The following SDAD1 variants were observed in gnomAD, a reference collection of about 807,000 sequenced individuals.
The protein encoded by SDAD1 is protein SDA1 homolog.
In SDAD1, 79 loss-of-function variants were observed where a neutral mutation model predicts 100.3. The observed-to-expected ratio is 0.79, with a 90% CI of 0.66 to 0.95. The LOEUF (loss-of-function observed/expected upper bound fraction) is 0.95. SDAD1 is among the 40% of genes least tolerant of loss of function. The pLI, the probability that SDAD1 is intolerant of heterozygous loss-of-function variation, is 0.00. For synonymous variants in SDAD1, 267 were observed against 271.4 expected (o/e 0.98, Z 0.16); for missense variants, 790 against 810.9 (o/e 0.97, Z 0.31).
chr4:75,977,804 G>T, intron 3 of SDAD1, 48 bp from the exon 4 acceptor site: 2 of 1,163,124 alleles, frequency 1.7e-6, no homozygotes, highest in Non-Finnish European at 2.6e-6. Context: ...AAGTTAACAA[G>T]GTGAGAAAAT....
chr4:75,956,776 G>A (rs913319360), intron 20 of SDAD1, among the ~76,000 whole-genome samples: 6 of 152,160 alleles, frequency 3.9e-5, no homozygotes, highest in Non-Finnish European at 8.8e-5. Flanking sequence ...TCTCTACCTT[G>A]TTTTGAGTGG....
rs1353674971 is a variant in SDAD1, at chr4:75,970,357, G to A, written c.835C>T (p.Pro279Ser). 6.2e-7 allele frequency: 1 copy of A among 1,613,574 alleles called. No homozygotes were observed. Among genetic ancestry groups the A allele is most frequent in the Non-Finnish European group, 8.5e-7 (1 of 1,179,654 alleles). The change falls in exon 10 of 22, where the codon CCA (proline) becomes TCA (serine). Residue 279 changes from proline (P) to serine (S), a missense_variant. Pro to Ser is a moderately conservative substitution (Grantham distance 74). Coordinates refer to ENST00000356260, the MANE Select transcript of SDAD1 (RefSeq NM_018115.4). ...ATGGCTGAAAAGTTAAACACCTCTG[G>A]TTTTTTCTTCTTTTTTTGTTTCTGA... ...VLKKQKKKKKPEVFNFSAIHL... is the reference protein window; with the variant it reads ...VLKKQKKKKKSEVFNFSAIHL...
intron 1 of SDAD1, among the ~76,000 whole-genome samples, chr4:75,989,750 G>A (rs1327579131): frequency 2.6e-5 from 4 of 152,142 alleles, no homozygotes; most frequent in African/African-American, 9.7e-5. Context: ...TCTTGTACTT[G>A]TTTCCTACTC....
In SDAD1 at chr4:75,971,372, T is replaced by G. The variant is rs1446402601; in HGVS notation, c.798A>C (p.Ala266=). 16 of 1,613,128 alleles carry G rather than the reference T, an allele frequency of 9.9e-6. No homozygotes were observed. The highest frequency in any genetic ancestry group is 1.4e-5 in the Non-Finnish European group (16 of 1,179,282). The change falls in exon 9 of 22, where the codon GCA becomes GCC. Residue 266 remains alanine, a synonymous_variant. Coordinates refer to ENST00000356260, the MANE Select transcript of SDAD1 (RefSeq NM_018115.4). ...CAAGTCCCACCTTGAGCACTTTCATTGCCTTTTCCAACTTTTTCTTGTTTT... is the reference window on the plus strand; with the variant it reads ...CAAGTCCCACCTTGAGCACTTTCATGGCCTTTTCCAACTTTTTCTTGTTTT... ...SSKNKKKLEK[A]MKVLKKQKKK...
intron 3 of SDAD1, among the ~76,000 whole-genome samples, 186 bp downstream of exon 3, chr4:75,981,186 G>T (rs1730483583): frequency 6.6e-6 from 1 of 152,170 alleles, no homozygotes; most frequent in African/African-American, 2.4e-5. Flanking sequence ...TTTGAGCCAG[G>T]TTATTAAGTT....
intron 4 of SDAD1, 151 bp downstream of exon 4, chr4:75,977,495 A>T: frequency 1.6e-6 from 1 of 644,864 alleles, no homozygotes; most frequent in Non-Finnish European, 2.8e-6. Context: ...CTCAATAAAT[A>T]TGGCTATTAA....
At chr4:75,988,611 C>T (rs1373851958) in intron 1 of SDAD1, among the ~76,000 whole-genome samples, 2 of 152,144 alleles carry the variant, frequency 1.3e-5, no homozygotes, top group African/African-American at 2.4e-5. Flanking sequence ...ATATCACCCC[C>T]TACTAGAATG....
chr4:75,961,624 T>C (rs1423071368), intron 14 of SDAD1, among the ~76,000 whole-genome samples: 1 of 152,184 alleles, frequency 6.6e-6, no homozygotes, highest in Non-Finnish European at 1.5e-5. Context: ...TCTTTAGGGC[T>C]ATTATCCTGC....
chr4:75,984,557 A>G (rs1730753432), intron 1 of SDAD1, among the ~76,000 whole-genome samples: 1 of 152,154 alleles, frequency 6.6e-6, no homozygotes. Flanking sequence ...CAGTAGACAC[A>G]TGGAAATAAT....
Position 75,990,895 on chromosome 4 carries a change from G to C in SDAD1, c.-54C>G. 1 of 1,608,824 alleles carries C rather than the reference G, an allele frequency of 6.2e-7. No individual in the cohort carries two copies. Among genetic ancestry groups the C allele is most frequent in the Admixed American group, 1.7e-5 (1 of 59,970 alleles). The stretch of plus-strand genomic sequence containing the variant: ...CAGTTTTAAAAAAACTCAGACGGCC[G>C]GCACCCCGCAATCCCTGCCAGCTGC... On this transcript the variant is annotated 5_prime_UTR_variant, in exon 1 of 22. Transcript: ENST00000356260.
intron 12 of SDAD1, among the ~76,000 whole-genome samples, chr4:75,966,916 G>A (rs185319402): frequency 0.012 from 1,886 of 152,096 alleles, 14 homozygotes; most frequent in Middle Eastern, 0.034. Context: ...ACAGGTGCCC[G>A]ACACCACATC....
chr4:75,963,087 A>G (rs1389619198), intron 14 of SDAD1, among the ~76,000 whole-genome samples: 4 of 152,114 alleles, frequency 2.6e-5, no homozygotes, highest in Non-Finnish European at 5.9e-5. Context: ...TCAGGAAGGG[A>G]TCCAGTTTCA....
intron 12 of SDAD1, 61 bp from the exon 13 acceptor site, chr4:75,965,883 C>G: frequency 2.2e-6 from 3 of 1,377,278 alleles, no homozygotes; most frequent in Non-Finnish European, 3.1e-6. Flanking sequence ...CTGAGGACCA[C>G]AGCAAACATG....
intron 8 of SDAD1, among the ~76,000 whole-genome samples, chr4:75,971,901 C>T (rs953864314): frequency 6.6e-6 from 1 of 150,664 alleles, no homozygotes; most frequent in African/African-American, 2.4e-5. Context: ...CCCACATGTG[C>T]ACAAACAGGT....
intron 1 of SDAD1, among the ~76,000 whole-genome samples, chr4:75,987,996 C>A (rs1236871973): frequency 3.3e-5 from 5 of 152,128 alleles, no homozygotes; most frequent in Non-Finnish European, 5.9e-5. Context: ...AACTCACTGG[C>A]CTTTAAATGT....
intron 4 of SDAD1, among the ~76,000 whole-genome samples, chr4:75,977,010 C>G (rs1205667027): frequency 6.6e-6 from 1 of 152,090 alleles, no homozygotes; most frequent in African/African-American, 2.4e-5. Context: ...AGGCTGGTCT[C>G]AAACTCCTGG....
intron 1 of SDAD1, among the ~76,000 whole-genome samples, chr4:75,983,067 GT>G (rs1457294910): frequency 2.0e-5 from 3 of 150,338 alleles, no homozygotes; most frequent in South Asian, 2.1e-4. Context: ...CCTTGTGATA[GT>G]TTTCTGAAAA....
At chr4:75,964,526 G>C (rs1399169201) in intron 13 of SDAD1, among the ~76,000 whole-genome samples, 1 of 149,956 alleles carries the variant, frequency 6.7e-6, no homozygotes, top group Non-Finnish European at 1.5e-5. Context: ...TTGTCTGAAA[G>C]AAACTTCTTT....
intron 1 of SDAD1, among the ~76,000 whole-genome samples, chr4:75,985,684 T>C (rs534424469): frequency 1.3e-5 from 2 of 152,282 alleles, no homozygotes; most frequent in East Asian, 3.9e-4. Flanking sequence ...CCCTGACTTC[T>C]CCTCCTCTAA....
Sources: allele counts gnomAD v4.1 joint callset (sites outside exome capture counted in the v4.1 genomes callset), GRCh38; gene constraint gnomAD v4.1.1; transcripts MANE v1.5; gene names NCBI Gene and HGNC (gene_info 2026-07-23, HGNC 2026-07-21).